NRXN1: variants seen among roughly 807,000 people sequenced by gnomAD.
The protein encoded by NRXN1 is neurexin 1, also known as neurexin-1.
Under a neutral mutation model 150.9 loss-of-function variants are expected in NRXN1, and 39 were observed. The ratio of observed to expected loss-of-function variants is 0.26; its 90% confidence interval spans 0.20 to 0.34. The LOEUF (loss-of-function observed/expected upper bound fraction) is 0.34, where lower values mean the gene tolerates loss of function less well. NRXN1 is among the 10% of genes least tolerant of loss of function. The probability of loss-of-function intolerance (pLI) is 1.00; values close to 1 mark genes in which losing one functional copy is unlikely to be tolerated. For missense variants in NRXN1, 1,815 were observed against 1,949.9 expected, an observed-to-expected ratio of 0.93 and a Z score of 1.30; for synonymous variants, 924 against 757.0, an observed-to-expected ratio of 1.22 and a Z score of -3.62.
At chr2:50,314,333 T>A (rs1483232673) in intron 17 of NRXN1, among the ~76,000 whole-genome samples, 1 of 151,958 alleles carries the variant, frequency 6.6e-6, no homozygotes, top group East Asian at 1.9e-4. Flanking sequence ...CCTGCCACTT[T>A]AAAAAACAAA....
intron 21 of NRXN1, among the ~76,000 whole-genome samples, chr2:50,000,263 G>A (rs1358823974): frequency 2.0e-5 from 3 of 152,140 alleles, no homozygotes; most frequent in African/African-American, 7.2e-5. Flanking sequence ...TCCAATGGCA[G>A]ACAGAATTTA....
At chr2:50,017,094 C>G (rs1190551134) in intron 21 of NRXN1, among the ~76,000 whole-genome samples, 1 of 152,126 alleles carries the variant, frequency 6.6e-6, no homozygotes, top group African/African-American at 2.4e-5. Flanking sequence ...AAATTGACAT[C>G]TAATCAGCAT....
At chr2:50,226,202 T>C (rs1380258611) in intron 18 of NRXN1, among the ~76,000 whole-genome samples, 2 of 152,040 alleles carry the variant, frequency 1.3e-5, no homozygotes, top group Non-Finnish European at 2.9e-5. Context: ...GAAGTTTTAA[T>C]GCATATTAGA....
At chr2:50,307,634 T>C (rs1361536356) in intron 17 of NRXN1, among the ~76,000 whole-genome samples, 1 of 152,196 alleles carries the variant, frequency 6.6e-6, no homozygotes. Flanking sequence ...TAATAATTAG[T>C]GATCAGGTCG....
At chr2:50,499,676 G>A (rs996151077) in intron 13 of NRXN1, among the ~76,000 whole-genome samples, 13 of 152,086 alleles carry the variant, frequency 8.5e-5, no homozygotes, top group Non-Finnish European at 1.8e-4. Flanking sequence ...GTCTAGATGC[G>A]GTGGCTCACG....
At chr2:50,559,230 C>A (rs918475107) in intron 8 of NRXN1, among the ~76,000 whole-genome samples, 8 of 152,172 alleles carry the variant, frequency 5.3e-5, no homozygotes, top group African/African-American at 1.7e-4. Flanking sequence ...CAGGAACTAG[C>A]CAGCAAGTGA....
At chr2:50,086,771 A>G (rs1291652143) in intron 19 of NRXN1, among the ~76,000 whole-genome samples, 1 of 151,900 alleles carries the variant, frequency 6.6e-6, no homozygotes, top group Non-Finnish European at 1.5e-5. Context: ...GCATTAGAAC[A>G]TTGAATAATT....
chr2:50,185,329 G>A (rs2060995744), intron 18 of NRXN1, among the ~76,000 whole-genome samples: 1 of 152,058 alleles, frequency 6.6e-6, no homozygotes, highest in East Asian at 1.9e-4. Context: ...AAACTCAGGA[G>A]TTAAATCTCC....
chr2:50,449,860 A>G lies in NRXN1; in HGVS notation c.3364+15582T>C, dbSNP rs76209117. On this transcript the variant is annotated intron_variant, in intron 17 of 22. Coordinates refer to ENST00000401669, the MANE Select transcript of NRXN1 (RefSeq NM_001330078.2). ...TGGGGTACAGGGAGGATGTTACCAT[A>G]CATCATCTTTAATTCTCAAATCAAC... is the stretch of plus-strand genomic sequence containing the variant. Among the ~76,000 whole-genome samples the G allele has an allele frequency of 8.2e-3, 1,246 of 152,262 alleles. 41 individuals carry two copies. In the East Asian group the frequency reaches 0.11, roughly 13 times the overall value.
chr2:51,012,491 CAT>C (rs1381096204), intron 2 of NRXN1, among the ~76,000 whole-genome samples: 1 of 152,048 alleles, frequency 6.6e-6, no homozygotes, highest in Non-Finnish European at 1.5e-5. Flanking sequence ...CAGTAGCACA[CAT>C]GTGTACCTTA....
At chr2:50,704,104 T>A (rs1185434369) in intron 5 of NRXN1, among the ~76,000 whole-genome samples, 2 of 152,084 alleles carry the variant, frequency 1.3e-5, no homozygotes, top group Non-Finnish European at 2.9e-5. Context: ...TATGGAAATA[T>A]ATAAACTGGA....
intron 2 of NRXN1, among the ~76,000 whole-genome samples, chr2:50,992,424 C>T (rs1698671201): frequency 1.3e-5 from 2 of 151,946 alleles, no homozygotes; most frequent in South Asian, 4.1e-4. Context: ...GAAAGGCTAA[C>T]ACCCTCATCA....
At chr2:50,926,437 C>A (rs943755083) in intron 2 of NRXN1, among the ~76,000 whole-genome samples, 1 of 151,956 alleles carries the variant, frequency 6.6e-6, no homozygotes. Flanking sequence ...TATGCCATTA[C>A]TGCCTTTTAG....
At chr2:50,966,382 C>T (rs1306080737) in intron 2 of NRXN1, among the ~76,000 whole-genome samples, 1 of 151,360 alleles carries the variant, frequency 6.6e-6, no homozygotes, top group East Asian at 1.9e-4. Flanking sequence ...CAATTAATAG[C>T]ATTCCTGTAG....
At chr2:51,000,662 G>A (rs1420882136) in intron 2 of NRXN1, among the ~76,000 whole-genome samples, 2 of 151,808 alleles carry the variant, frequency 1.3e-5, no homozygotes, top group Non-Finnish European at 2.9e-5. Context: ...TGAAGAAGTA[G>A]AAATAACAGA....
intron 5 of NRXN1, among the ~76,000 whole-genome samples, chr2:50,749,916 G>T (rs572394058): frequency 6.6e-6 from 1 of 151,996 alleles, no homozygotes; most frequent in South Asian, 2.1e-4. Context: ...AAACTAAATG[G>T]TTAATTAAAT....
chr2:49,960,741 T>C (rs563706280), intron 21 of NRXN1, among the ~76,000 whole-genome samples: 3 of 152,222 alleles, frequency 2.0e-5, no homozygotes, highest in East Asian at 3.9e-4. Flanking sequence ...CAAAAAGACA[T>C]GCAAAAAACA....
intron 8 of NRXN1, among the ~76,000 whole-genome samples, chr2:50,567,732 A>T (rs1670081210): frequency 6.6e-6 from 1 of 152,156 alleles, no homozygotes; most frequent in South Asian, 2.1e-4. Context: ...GGTAAATTTC[A>T]TCATTAGATA....
Position 50,140,588 on chromosome 2 carries a change from T to C in NRXN1, c.3547-49094A>G, listed in dbSNP as rs1707126018. On this transcript the variant is annotated intron_variant, in intron 18 of 22. Coordinates refer to ENST00000401669, the MANE Select transcript of NRXN1 (RefSeq NM_001330078.2). Reference sequence around the variant, plus strand: ...GAGAGCCTTCCCTGTTTCAAGGCAGTAGCAACTATTCACTTCCATTCGATA... The same window carrying C: ...GAGAGCCTTCCCTGTTTCAAGGCAGCAGCAACTATTCACTTCCATTCGATA... Among the ~76,000 whole-genome samples, 3 of 151,866 alleles carry C rather than the reference T, an allele frequency of 2.0e-5. No individual in the cohort carries two copies. In the South Asian group the frequency reaches 6.2e-4, roughly 31 times the overall value.
Sources: gnomAD v4.1 joint callset for allele counts (sites outside exome capture counted in the v4.1 genomes callset) on GRCh38, gnomAD v4.1.1 for gene constraint, MANE v1.5 for transcripts, NCBI Gene and HGNC (gene_info 2026-07-23, HGNC 2026-07-21) for gene names.